RTN4: variants seen among roughly 807,000 people sequenced by gnomAD.
The protein encoded by RTN4 is reticulon-4.
RTN4 carries 32 observed loss-of-function variants against 90.4 expected under a neutral mutation model. The observed-to-expected ratio is 0.35, with a 90% CI of 0.27 to 0.48. The LOEUF is 0.48. Among genes scored for constraint, RTN4 ranks in the 20% least tolerant of loss-of-function variants. The pLI is 0.99. For synonymous variants in RTN4, 629 were observed against 552.5 expected (o/e 1.14, Z -1.94); for missense variants, 1,706 against 1,430.2 (o/e 1.19, Z -3.11).
chr2:55,055,608 A>G (rs1049834304), upstream of RTN4, among the ~76,000 whole-genome samples: 1 of 152,080 alleles, frequency 6.6e-6, no homozygotes, highest in African/African-American at 2.4e-5. Context: ...TCTACTAAAA[A>G]TACAAAAAAA....
intron 3 of RTN4, among the ~76,000 whole-genome samples, chr2:55,002,049 TTTTA>T (rs34110967): frequency 1.3e-4 from 19 of 151,118 alleles, no homozygotes; most frequent in East Asian, 7.8e-4. Flanking sequence ...TCAAATCTTA[TTTTA>T]TTTATTTATT....
intron 2 of RTN4, among the ~76,000 whole-genome samples, chr2:55,077,864 A>G (rs1668632051): frequency 1.3e-5 from 2 of 151,974 alleles, no homozygotes; most frequent in Admixed American, 1.3e-4. Flanking sequence ...CCTGGACAGA[A>G]TTAGAGACTG....
intron 3 of RTN4, among the ~76,000 whole-genome samples, chr2:55,007,660 T>C (rs972137479): frequency 2.0e-5 from 3 of 152,132 alleles, no homozygotes; most frequent in African/African-American, 7.2e-5. Context: ...ATGCTTAATA[T>C]GCAGATTGCC....
chr2:55,028,060 C>T, intron 2 of RTN4, 104 bp downstream of exon 2: 4 of 923,298 alleles, frequency 4.3e-6, no homozygotes, highest in Non-Finnish European at 4.7e-6. Context: ...TTCTCGGAAC[C>T]ATGCTAATTT....
At position 55,026,502 on chromosome 2, in the gene RTN4, C is replaced by G; in HGVS notation, c.1597G>C (p.Asp533His). 1 of 1,613,942 alleles carries G rather than the reference C, an allele frequency of 6.2e-7. No individual in the cohort carries two copies. Among genetic ancestry groups the G allele is most frequent in the Non-Finnish European group, 8.5e-7 (1 of 1,179,908 alleles). Residue 533 changes from aspartate (D) to histidine (H), a missense_variant, in exon 3 of 9, where the codon GAT (aspartate) becomes CAT (histidine). Asp to His is a moderately conservative substitution (Grantham distance 81). Transcript: ENST00000337526. Reference protein sequence around the residue: ...QDSETDYVTTDNLTKVTEEVV... With the variant: ...QDSETDYVTTHNLTKVTEEVV... Reference sequence around the variant, plus strand: ...TCCTCAGTCACCTTTGTTAAATTATCTGTTGTGACATAATCTGTCTCAGAA... The same window carrying G: ...TCCTCAGTCACCTTTGTTAAATTATGTGTTGTGACATAATCTGTCTCAGAA...
chr2:55,033,026 C>T (rs1281836058), intron 1 of RTN4, among the ~76,000 whole-genome samples: 1 of 148,438 alleles, frequency 6.7e-6, no homozygotes, highest in East Asian at 2.0e-4. Flanking sequence ...AAGACCCTGT[C>T]TCTTTAAAAA....
chr2:55,100,320 G>T (rs1667830246), intron 1 of RTN4, among the ~76,000 whole-genome samples: 2 of 152,048 alleles, frequency 1.3e-5, no homozygotes. Flanking sequence ...GAGCTATTGG[G>T]GTGGCATTCC....
At chr2:55,070,783 T>C (rs1668496350) in intron 2 of RTN4, among the ~76,000 whole-genome samples, 1 of 151,872 alleles carries the variant, frequency 6.6e-6, no homozygotes, top group Non-Finnish European at 1.5e-5. Context: ...GTTTTTTTGT[T>C]TTTCGTTTTT....
At chr2:55,019,134 C>A (rs1362360481) in intron 3 of RTN4, among the ~76,000 whole-genome samples, 1 of 152,050 alleles carries the variant, frequency 6.6e-6, no homozygotes, top group Non-Finnish European at 1.5e-5. Flanking sequence ...GAATCATAAA[C>A]CATTGGAAAG....
intron 1 of RTN4, among the ~76,000 whole-genome samples, chr2:55,108,358 G>C (rs537220726): frequency 2.0e-4 from 30 of 152,080 alleles, no homozygotes; most frequent in Non-Finnish European, 4.1e-4. Context: ...TTCTAAGCTA[G>C]AGAGCATTTA....
rs1411189324 is a variant in RTN4 at position 54,987,694 on chromosome 2, A to C, written c.3018T>G (p.Val1006=). The change falls in exon 4 of 9, where the codon GTT becomes GTG. Residue 1006 remains valine, a synonymous_variant. Coordinates refer to ENST00000337526, the MANE Select transcript of RTN4 (RefSeq NM_020532.5). Reference sequence around the variant, plus strand: ...TAATGTCTCTCCAGTACAGGAGGTCAACAACTAAAAATTGAAAAAGAAATC... The same window carrying C: ...TAATGTCTCTCCAGTACAGGAGGTCCACAACTAAAAATTGAAAAAGAAATC... The part of the protein sequence containing the change: ...FSAELSKTSV[V]DLLYWRDIKK... The C allele has an allele frequency of 6.2e-7, 1 of 1,610,266 alleles. No homozygotes were observed. Among genetic ancestry groups the C allele is most frequent in the Admixed American group, 1.7e-5 (1 of 59,584 alleles).
At chr2:55,072,146 G>GT (rs1240205297) in intron 2 of RTN4, among the ~76,000 whole-genome samples, 17 of 63,482 alleles carry the variant, frequency 2.7e-4, no homozygotes, top group East Asian at 2.5e-3. Flanking sequence ...ATTGTTTTTA[G>GT]TTATTTTTTT....
chr2:55,126,082 G>A, the RTN4 span, among the ~76,000 whole-genome samples: 2 of 138,246 alleles, frequency 1.4e-5, no homozygotes, highest in South Asian at 2.3e-4. Context: ...AAAAAAAAAG[G>A]TCCGGGCATG....
the RTN4 span, among the ~76,000 whole-genome samples, chr2:55,136,515 T>C: frequency 6.6e-6 from 1 of 152,254 alleles, no homozygotes; most frequent in African/African-American, 2.4e-5. Flanking sequence ...AACTTTTTAA[T>C]AAACTTTCAC....
In RTN4 at chr2:55,025,644, C is replaced by T; in HGVS notation, c.2455G>A (p.Val819Ile). The T allele has an allele frequency of 6.2e-7, 1 of 1,613,736 alleles. No homozygotes were observed. The highest frequency in any genetic ancestry group is 8.5e-7 in the Non-Finnish European group (1 of 1,179,816). Residue 819 changes from valine to isoleucine, a missense_variant, in exon 3 of 9, where the codon GTT (valine) becomes ATT (isoleucine). Physicochemically the swap from Val to Ile is conservative, Grantham distance 29 (BLOSUM62 3). Transcript: ENST00000337526. ...TTCTCCTTTTTGCTCAATGTTGAAA[C>T]TTCATCAGGTAACAGGGTATCTTTT... ...NTKDTLLPDE[V>I]STLSKKEKIP...
chr2:55,015,024 A>G (rs1265299813), intron 3 of RTN4, among the ~76,000 whole-genome samples: 2 of 152,214 alleles, frequency 1.3e-5, no homozygotes, highest in Admixed American at 1.3e-4. Context: ...AAAATTTTAA[A>G]CTCATCTGTT....
chr2:55,074,033 A>G (rs1354609139), intron 2 of RTN4, among the ~76,000 whole-genome samples: 2 of 152,248 alleles, frequency 1.3e-5, no homozygotes, highest in East Asian at 1.9e-4. Context: ...CAACCTCAGC[A>G]ATGAAATCAG....
chr2:55,071,998 A>T (rs1668521998), intron 2 of RTN4, among the ~76,000 whole-genome samples: 1 of 152,204 alleles, frequency 6.6e-6, no homozygotes. Context: ...TCCAGAGTAC[A>T]AGAAAGTCAA....
chr2:55,068,669 CA>C (rs138508337), intron 2 of RTN4, among the ~76,000 whole-genome samples: 6 of 104,766 alleles, frequency 5.7e-5, no homozygotes, highest in East Asian at 2.8e-4. Flanking sequence ...TGGTGCTCTA[CA>C]AAAAAAAAGG....
Sources: allele counts gnomAD v4.1 joint callset (sites outside exome capture counted in the v4.1 genomes callset), GRCh38; gene constraint gnomAD v4.1.1; transcripts MANE v1.5; gene names NCBI Gene and HGNC (gene_info 2026-07-23, HGNC 2026-07-21).